The following CCDC40 variants were observed in gnomAD, a reference collection of about 807,000 sequenced individuals.
The protein encoded by CCDC40 is coiled-coil domain-containing protein 40.
CCDC40 carries 104 observed loss-of-function variants against 124.5 expected under a neutral mutation model. That is an observed-to-expected ratio of 0.84 (90% confidence interval 0.71 to 0.98). The LOEUF (loss-of-function observed/expected upper bound fraction) is 0.98. Among genes scored for constraint, CCDC40 ranks in the 50% least tolerant of loss-of-function variants. CCDC40 has a pLI of 0.00. For synonymous variants in CCDC40, 580 were observed against 602.9 expected, an observed-to-expected ratio of 0.96 and a Z score of 0.56; for missense variants, 1,463 against 1,503.9, an observed-to-expected ratio of 0.97 and a Z score of 0.45.
At chr17:80,074,506 G>A (rs942516445) in intron 10 of CCDC40, among the ~76,000 whole-genome samples, 16 of 152,144 alleles carry the variant, frequency 1.1e-4, no homozygotes, top group African/African-American at 3.6e-4. Flanking sequence ...TGCACCTGGT[G>A]GGCATGCTAG....
At chr17:80,080,632 T>G (rs2038425502) in intron 10 of CCDC40, among the ~76,000 whole-genome samples, 1 of 152,176 alleles carries the variant, frequency 6.6e-6, no homozygotes, top group Non-Finnish European at 1.5e-5. Context: ...CTTCCTAGGA[T>G]TATTGTCATG....
chr17:80,095,257 TC>T lies in CCDC40; in HGVS notation c.2833-3del, dbSNP rs1238500121. The T allele has an allele frequency of 1.9e-6, 3 of 1,613,456 alleles. No individual in the cohort carries two copies. The East Asian group carries it at 6.7e-5, about 36-fold the overall frequency. On this transcript the variant is annotated splice_region_variant and splice_polypyrimidine_tract_variant and intron_variant, in intron 17 of 19. Transcript: ENST00000397545. ...CCAGCCCCAGCCCCTCTGTCCTGTC[TC>T]CCAGGTCAGGCTCGGGCAGCTGCTG...
Position 80,049,809 on chromosome 17 carries a change from C to G in CCDC40, c.856-97C>G, listed in dbSNP as rs2037531612. 5.1e-6 allele frequency: 5 copies of G among 971,794 alleles called. No individual in the cohort carries two copies. In the South Asian group the frequency reaches 5.3e-5, roughly 10 times the overall value. The allele number at this position is 971,794 out of a possible 1,614,324, so 60.2% of individuals were successfully genotyped here. ...CACTCCACACGGAAGTCGTCTCTGG[C>G]CCACCGGAGGGAGACCTGTGGCCAC... On this transcript the variant is annotated intron_variant, in intron 5 of 19. Coordinates refer to ENST00000397545, the MANE Select transcript of CCDC40 (RefSeq NM_017950.4).
In CCDC40 at chr17:80,038,172, A is replaced by G; in HGVS notation, c.79A>G (p.Asn27Asp). 1.2e-6 allele frequency: 2 copies of G among 1,606,562 alleles called. No individual in the cohort carries two copies. Among genetic ancestry groups the G allele is most frequent in the East Asian group, 2.2e-5 (1 of 44,802 alleles). Residue 27 changes from asparagine (N) to aspartate (D), a missense_variant, in exon 2 of 20, where the codon AAT becomes GAT. Transcript: ENST00000397545. ...TTCTGAGGGAGAGAAGGAAGGGAAT[A>G]ATGAAAGCCACATGGTAAAATTCCC... ...SASEGEKEGNNESHMVSPPEK... is the reference protein window; with the variant it reads ...SASEGEKEGNDESHMVSPPEK...
chr17:80,066,466 A>C lies in CCDC40; in HGVS notation c.1562+860A>C. 1 of 368,122 alleles carries C rather than the reference A, an allele frequency of 2.7e-6. No individual in the cohort carries two copies. Among genetic ancestry groups the C allele is most frequent in the Non-Finnish European group, 5.0e-6 (1 of 201,898 alleles). 22.8% of individuals were successfully genotyped at this position (368,122 alleles called of 1,614,324 possible). A position where few individuals can be genotyped will look rare whatever the true frequency, so the allele number is the denominator to read the frequency against. On this transcript the variant is annotated intron_variant, in intron 10 of 19. Transcript: ENST00000397545. The surrounding 1 kb of genome is among the most constrained non-coding windows in gnomAD (Gnocchi z 4.4). ...AAATGAATAATATTGGATTAACCAT[A>C]CTCATTTCTGGCCAGGCGCAGTGGC...
At chr17:80,047,850 A>G (rs1220861362) in intron 4 of CCDC40, among the ~76,000 whole-genome samples, 2 of 152,200 alleles carry the variant, frequency 1.3e-5, no homozygotes, top group African/African-American at 2.4e-5. Flanking sequence ...ACGTAGTCCC[A>G]GTATCCCAGT....
chr17:80,037,794 G>A (rs571090003), intron 1 of CCDC40, among the ~76,000 whole-genome samples: 21 of 149,644 alleles, frequency 1.4e-4, no homozygotes, highest in Non-Finnish European at 2.4e-4. Flanking sequence ...CTTTCTCTAC[G>A]TTGTATTTCT....
At position 80,068,614 on chromosome 17, in the gene CCDC40, A is replaced by T. The variant is rs150356150; in HGVS notation, c.1562+3008A>T. ...CTGGCTGATGGTCAGGATGGTGCAT[A>T]CCAGGCCGGTACCCTGGTGGCTGTC... is the stretch of plus-strand genomic sequence containing the variant. On this transcript the variant is annotated intron_variant, in intron 10 of 19. Transcript: ENST00000397545. Among the ~76,000 whole-genome samples the T allele has an allele frequency of 2.6e-5, 4 of 152,070 alleles. No individual in the cohort carries two copies. In the East Asian group the frequency reaches 7.8e-4, roughly 29 times the overall value.
chr17:80,062,616 G>A (rs1263795275), intron 9 of CCDC40, among the ~76,000 whole-genome samples: 3 of 151,976 alleles, frequency 2.0e-5, no homozygotes, highest in African/African-American at 4.8e-5. Flanking sequence ...GTCTCACTCT[G>A]TCCCCCAGGC....
chr17:80,044,738 T>TATAC (rs2037380078), intron 3 of CCDC40, among the ~76,000 whole-genome samples: 1 of 139,030 alleles, frequency 7.2e-6, no homozygotes, highest in African/African-American at 2.8e-5. Context: ...TATATATATA[T>TATAC]CTCAACAACA....
chr17:80,072,983 CTTTT>C (rs1182014508), intron 10 of CCDC40, among the ~76,000 whole-genome samples: 4 of 113,168 alleles, frequency 3.5e-5, no homozygotes, highest in Non-Finnish European at 5.6e-5. Context: ...CGTGGAATCG[CTTTT>C]GTTTGTTTGT....
At position 80,037,683 on chromosome 17, in the gene CCDC40, T is replaced by TAAAAA. The variant is rs11312279; in HGVS notation, c.30-438_30-434dup. Among the ~76,000 whole-genome samples, 79 of 44,396 alleles carry TAAAAA rather than the reference T, an allele frequency of 1.8e-3. 1 individual carries two copies. Among genetic ancestry groups the TAAAAA allele is most frequent in the African/African-American group, 4.2e-3 (69 of 16,424 alleles). The allele number at this position is 44,396 out of a possible 152,430, so 29.1% of individuals were successfully genotyped here. A position where few individuals can be genotyped will look rare whatever the true frequency, so the allele number is the denominator to read the frequency against. ...AAAATAGCTTGAATCTTTAATTTTT[T>TAAAAA]AAAAAAGATATACATATATATATAT... is the stretch of plus-strand genomic sequence containing the variant. On this transcript the variant is annotated intron_variant, in intron 1 of 19. Coordinates refer to ENST00000397545, the MANE Select transcript of CCDC40 (RefSeq NM_017950.4).
intron 12 of CCDC40, 85 bp from the exon 13 acceptor site, chr17:80,084,658 A>T: frequency 3.9e-6 from 6 of 1,525,296 alleles, no homozygotes; most frequent in Non-Finnish European, 5.4e-6. Context: ...GAACATCCCG[A>T]CCGTCAGGGA....
At position 80,058,649 on chromosome 17, in the gene CCDC40, C is replaced by T. The variant is rs387907091; in HGVS notation, c.1315C>T (p.Gln439Ter). 6.2e-7 allele frequency: 1 copy of T among 1,614,172 alleles called. No homozygotes were observed. The highest frequency in any genetic ancestry group is 8.5e-7 in the Non-Finnish European group (1 of 1,180,014). Residue 439 changes from glutamine to a stop codon, truncating the protein, a stop_gained and splice_region_variant, in exon 8 of 20, where the codon CAG (glutamine) becomes TAG (stop). Coordinates refer to ENST00000397545, the MANE Select transcript of CCDC40 (RefSeq NM_017950.4). LOFTEE classifies it high-confidence loss of function. This position sits in a 1 kb window ranked among gnomAD's most constrained non-coding sequence, Gnocchi z 4.2. ...RIRAEIEKKKQDLYVDQLTTR... is the reference protein window; with the variant it reads ...RIRAEIEKKK ...CCGGGCAGAAATCGAGAAGAAAAAGCAGGTATTCTGCAAACTCGACACATG... is the reference window on the plus strand; with the variant it reads ...CCGGGCAGAAATCGAGAAGAAAAAGTAGGTATTCTGCAAACTCGACACATG...
In CCDC40 at chr17:80,058,453, C is replaced by T. The variant is rs765158637; in HGVS notation, c.1160-41C>T. 19 of 1,599,324 alleles carry T rather than the reference C, an allele frequency of 1.2e-5. No individual in the cohort carries two copies. Among genetic ancestry groups the T allele is most frequent in the Non-Finnish European group, 1.6e-5 (19 of 1,169,516 alleles). ...ATGGGGGACGCTGGGACAGCCTCCC[C>T]ACTCACTCTCTCTCTCTTTCTCCCC... On this transcript the variant is annotated intron_variant, in intron 7 of 19. Coordinates refer to ENST00000397545, the MANE Select transcript of CCDC40 (RefSeq NM_017950.4). This position sits in a 1 kb window ranked among gnomAD's most constrained non-coding sequence, Gnocchi z 4.2.
At chr17:80,057,302 G>A (rs2037774323) in intron 7 of CCDC40, among the ~76,000 whole-genome samples, 1 of 151,796 alleles carries the variant, frequency 6.6e-6, no homozygotes, top group Admixed American at 6.6e-5. Flanking sequence ...TGGCTAGACT[G>A]GTCTTGAACT....
intron 16 of CCDC40, 145 bp downstream of exon 16, chr17:80,088,247 TTTTTG>T (rs763272639): frequency 4.2e-5 from 30 of 719,900 alleles, no homozygotes; most frequent in East Asian, 3.2e-4. Flanking sequence ...GTTGTTTTGT[TTTTTG>T]TTTTGTTTTG....
At chr17:80,039,658 C>A (rs1568666818) in intron 2 of CCDC40, among the ~76,000 whole-genome samples, 154 bp from the exon 3 acceptor site, 1 of 152,004 alleles carries the variant, frequency 6.6e-6, no homozygotes, top group Non-Finnish European at 1.5e-5. Context: ...GATCTGCCTG[C>A]CTCAGCCTCC....
In CCDC40 at chr17:80,081,795, G is replaced by C; in HGVS notation, c.1806+6G>C. 6.2e-7 allele frequency: 1 copy of C among 1,613,878 alleles called. No individual in the cohort carries two copies. Among genetic ancestry groups the C allele is most frequent in the African/African-American group, 1.3e-5 (1 of 75,062 alleles). ...CCCTCAGCCAGGACCAGCTGGTGAG[G>C]CCGGGCCCGCCCCACAGGTCACACC... On this transcript the variant is annotated splice_donor_region_variant and intron_variant, in intron 11 of 19. Transcript: ENST00000397545.
Sources: allele counts gnomAD v4.1 joint callset (sites outside exome capture counted in the v4.1 genomes callset), GRCh38; gene constraint gnomAD v4.1.1; non-coding constraint Gnocchi (gnomAD v3.1); transcripts MANE v1.5; gene names NCBI Gene and HGNC (gene_info 2026-07-23, HGNC 2026-07-21).